DCAF4: variants seen among roughly 807,000 people sequenced by gnomAD.
DCAF4 encodes the protein DDB1- and CUL4-associated factor 4.
In DCAF4, 37 loss-of-function variants were observed where a neutral mutation model predicts 60.9. The ratio of observed to expected loss-of-function variants is 0.61; its 90% CI spans 0.47 to 0.80. The LOEUF (loss-of-function observed/expected upper bound fraction) is 0.80, where lower values mean the gene tolerates loss of function less well. Among genes scored for constraint, DCAF4 ranks in the 30% least tolerant of loss-of-function variants. The pLI is 0.00. For synonymous variants in DCAF4, 243 were observed against 254.8 expected, an observed-to-expected ratio of 0.95 and a Z score of 0.44; for missense variants, 577 against 650.0, an observed-to-expected ratio of 0.89 and a Z score of 1.22.
chr14:72,935,976 T>G (rs896769832), intron 1 of DCAF4, among the ~76,000 whole-genome samples: 1 of 152,210 alleles, frequency 6.6e-6, no homozygotes, highest in Admixed American at 6.5e-5. Context: ...CTTTTTGAGA[T>G]GGGGTCTCAC....
intron 1 of DCAF4, among the ~76,000 whole-genome samples, chr14:72,937,053 C>T (rs918787660): frequency 9.2e-5 from 14 of 152,220 alleles, no homozygotes; most frequent in African/African-American, 2.9e-4. Context: ...GGAAGCTCAA[C>T]TGCAGTGGGT....
At chr14:72,935,256 A>T (rs1889103430) in intron 1 of DCAF4, 1 of 64,652 alleles carries the variant, frequency 1.5e-5, no homozygotes, top group Non-Finnish European at 3.1e-5. Flanking sequence ...GTGACTTTTT[A>T]AATGATTTTT....
intron 1 of DCAF4, chr14:72,929,775 G>T (rs1888280253): frequency 9.4e-7 from 1 of 1,062,168 alleles, no homozygotes; most frequent in Non-Finnish European, 1.5e-6. Context: ...CAGCTCGTAC[G>T]AAGCGAAGCC....
chr14:72,946,517 G>A (rs147821742), intron 7 of DCAF4, among the ~76,000 whole-genome samples: 72 of 152,318 alleles, frequency 4.7e-4, no homozygotes, highest in African/African-American at 1.7e-3. Context: ...TTGAAGCAGC[G>A]CTTGTTTAAC....
chr14:72,931,294 G>A (rs1949232471), intron 1 of DCAF4, among the ~76,000 whole-genome samples: 1 of 116,626 alleles, frequency 8.6e-6, no homozygotes, highest in African/African-American at 3.2e-5. Context: ...AACTGAGCCT[G>A]AGCAGGACCA....
intron 5 of DCAF4, 80 bp from the exon 6 acceptor site, chr14:72,942,914 G>GT: frequency 7.7e-7 from 1 of 1,304,728 alleles, no homozygotes; most frequent in East Asian, 2.4e-5. Context: ...CGTCAGCGGG[G>GT]CAGGGAAGGC....
intron 1 of DCAF4, chr14:72,935,035 G>A (rs1284781138): frequency 6.6e-6 from 1 of 152,146 alleles, no homozygotes; most frequent in Non-Finnish European, 1.5e-5. Context: ...TTCACCTCAC[G>A]TCCAGTATGA....
intron 8 of DCAF4, among the ~76,000 whole-genome samples, chr14:72,951,465 C>A (rs1490349402): frequency 1.3e-5 from 2 of 151,950 alleles, no homozygotes; most frequent in Non-Finnish European, 1.5e-5. Flanking sequence ...TACAAAATTA[C>A]CCGGGCGTGG....
In DCAF4 at chr14:72,956,490, C is replaced by A. The variant is rs181018941; in HGVS notation, c.1284C>A (p.Ile428=). Residue 428 remains isoleucine, a synonymous_variant, in exon 13 of 14, where the codon ATC becomes ATA. Coordinates refer to ENST00000358377, the MANE Select transcript of DCAF4 (RefSeq NM_015604.4). ...TGCATGTGCACGAGGAAGAAGGAAT[C>A]CTGGTGGCAGGTACTTGAGGAAGGA... ...LPLHVHEEEG[I]LVAVGQDCYT... is the part of the protein sequence containing the mutation. 120 of 1,611,700 alleles carry A rather than the reference C, an allele frequency of 7.4e-5. No homozygotes were observed. The East Asian group carries it at 2.6e-3, about 35-fold the overall frequency.
intron 1 of DCAF4, among the ~76,000 whole-genome samples, chr14:72,932,990 C>A (rs886704277): frequency 1.2e-4 from 18 of 152,136 alleles, no homozygotes; most frequent in African/African-American, 4.3e-4. Flanking sequence ...CCTCCTGCCT[C>A]GGCTTCCCGA....
intron 2 of DCAF4, among the ~76,000 whole-genome samples, chr14:72,938,507 A>G (rs1426853520): frequency 1.3e-5 from 2 of 152,250 alleles, no homozygotes; most frequent in South Asian, 2.1e-4. Context: ...ACAAGGAGGA[A>G]TGCATTCTGA....
chr14:72,952,060 T>C (rs1403148327), intron 9 of DCAF4, among the ~76,000 whole-genome samples, 183 bp downstream of exon 9: 1 of 152,148 alleles, frequency 6.6e-6, no homozygotes, highest in Non-Finnish European at 1.5e-5. Flanking sequence ...TTACCCATCT[T>C]GGGCCATTTC....
At chr14:72,960,488 C>A, downstream of DCAF4, 1 of 326,566 alleles carries the variant, frequency 3.1e-6, no homozygotes, top group East Asian at 1.6e-4. Context: ...CCCCAGTTAT[C>A]TAAGGCTCTG....
chr14:72,941,539 T>A (rs1479339366), intron 4 of DCAF4, among the ~76,000 whole-genome samples: 2 of 152,074 alleles, frequency 1.3e-5, no homozygotes, highest in Non-Finnish European at 2.9e-5. Flanking sequence ...GAGCAGACTT[T>A]CCCACTCACA....
At chr14:72,938,810 CAGTG>C (rs1889643825) in intron 2 of DCAF4, among the ~76,000 whole-genome samples, 1 of 152,048 alleles carries the variant, frequency 6.6e-6, no homozygotes, top group Admixed American at 6.5e-5. Context: ...GACTGGAAGT[CAGTG>C]AGTGAGTGAT....
chr14:72,933,140 A>AC (rs35207156), intron 1 of DCAF4, among the ~76,000 whole-genome samples: 19,863 of 152,096 alleles, frequency 0.13, 1,684 homozygotes, highest in South Asian at 0.24. Flanking sequence ...GTAGCAGCCT[A>AC]CCCCTCCTTC....
intron 1 of DCAF4, among the ~76,000 whole-genome samples, chr14:72,927,157 G>A (rs919860823): frequency 6.6e-6 from 1 of 152,152 alleles, no homozygotes; most frequent in Non-Finnish European, 1.5e-5. Flanking sequence ...CACGCCTCGT[G>A]GGCTCCCCGG....
chr14:72,953,729 AAAAATATATAT>A (rs1891790943), intron 9 of DCAF4, among the ~76,000 whole-genome samples: 2 of 40,812 alleles, frequency 4.9e-5, no homozygotes, highest in African/African-American at 1.2e-4. Flanking sequence ...AAAAAAAAAA[AAAAATATATAT>A]ATATATATAT....
chr14:72,946,518 CTTGT>C (rs1890761667), intron 7 of DCAF4, among the ~76,000 whole-genome samples: 1 of 152,168 alleles, frequency 6.6e-6, no homozygotes, highest in South Asian at 2.1e-4. Flanking sequence ...TGAAGCAGCG[CTTGT>C]TTAACTGGTC....
Sources: allele counts gnomAD v4.1 joint callset (sites outside exome capture counted in the v4.1 genomes callset), GRCh38; gene constraint gnomAD v4.1.1; transcripts MANE v1.5; gene names NCBI Gene and HGNC (gene_info 2026-07-23, HGNC 2026-07-21).